The following EMILIN2 variants were observed in gnomAD, a reference collection of about 807,000 sequenced individuals.
EMILIN2 encodes the protein EMILIN-2.
In EMILIN2, 71 loss-of-function variants were observed where a neutral mutation model predicts 87.1. The observed-to-expected ratio is 0.82, with a 90% CI of 0.67 to 0.99. The LOEUF is 0.99. Ranked by LOEUF, EMILIN2 falls within the 50% of genes least tolerant of loss-of-function variation. The pLI, the probability that EMILIN2 is intolerant of heterozygous loss-of-function variation, is 0.00. For synonymous variants in EMILIN2, 581 were observed against 563.4 expected (o/e 1.03, Z -0.44); for missense variants, 1,407 against 1,371.8 (o/e 1.03, Z -0.40).
chr18:2,858,547 A>ATATATATATATATATATATGTGTG (rs2076640535), intron 2 of EMILIN2, among the ~76,000 whole-genome samples: 1 of 48,054 alleles, frequency 2.1e-5, no homozygotes, highest in Non-Finnish European at 3.4e-5. Flanking sequence ...ATATATATAT[A>ATATATATATATATATATATGTGTG]TATATATATA....
rs151223475 is a variant in EMILIN2 at position 2,873,147 on chromosome 18, A to G, written c.258-11817A>G. On this transcript the variant is annotated intron_variant, in intron 2 of 7. Transcript: ENST00000254528. ...AGGCCGGGGCCGGGCATGGTGGCTC[A>G]TGCCTATAATGCTAGCACTTTGGGA... is the stretch of plus-strand genomic sequence containing the variant. Among the ~76,000 whole-genome samples, 16 of 152,220 alleles carry G rather than the reference A, an allele frequency of 1.1e-4. No individual in the cohort carries two copies. The East Asian group carries it at 2.9e-3, about 28-fold the overall frequency.
At chr18:2,887,204 T>TA (rs71159018) in intron 3 of EMILIN2, among the ~76,000 whole-genome samples, 19,520 of 152,176 alleles carry the variant, frequency 0.13, 1,437 homozygotes, top group South Asian at 0.3. Context: ...ATATTGCTGC[T>TA]AAAAAAACAC....
At position 2,890,751 on chromosome 18, in the gene EMILIN2, GAGTGAA is replaced by G. The variant is rs1214782519; in HGVS notation, c.626_631del (p.Ser209_Glu210del). On this transcript the variant is annotated inframe_deletion, in exon 4 of 8. Transcript: ENST00000254528. This position sits in a 1 kb window ranked among gnomAD's most constrained non-coding sequence, Gnocchi z 4.7. ...ACCTCCAGTCTTCCCTTGCTGGAGT[GAGTGAA>G]AATCTCAAACATGCCACTCAGGATG... The G allele has an allele frequency of 6.2e-7, 1 of 1,613,962 alleles. No individual in the cohort carries two copies. Among genetic ancestry groups the G allele is most frequent in the African/African-American group, 1.3e-5 (1 of 75,014 alleles).
chr18:2,891,924 A>C lies in EMILIN2; in HGVS notation c.1797A>C (p.Gln599His). Residue 599 changes from glutamine (Q) to histidine (H), a missense_variant, in exon 4 of 8, where the codon CAA (glutamine) becomes CAC (histidine). Physicochemically the swap from Gln to His is conservative, Grantham distance 24. Transcript: ENST00000254528. The surrounding 1 kb of genome is among the most constrained non-coding windows in gnomAD (Gnocchi z 4.6). ...ACAGGAAGTTTCAAGAAACCGAACA[A>C]ACCATCCAGAAACTTCAACAGGATT... The part of the protein sequence containing the change: ...TMHRKFQETE[Q>H]TIQKLQQDFS... 10 of 1,614,216 alleles carry C rather than the reference A, an allele frequency of 6.2e-6. No individual in the cohort carries two copies. Among genetic ancestry groups the C allele is most frequent in the Non-Finnish European group, 8.5e-6 (10 of 1,180,042 alleles).
Position 2,890,763 on chromosome 18 carries a change from C to A in EMILIN2, c.636C>A (p.Leu212=). ...QSSLAGVSEN[L]KHATQDDASR... is the part of the protein sequence containing the mutation. ...CCCTTGCTGGAGTGAGTGAAAATCT[C>A]AAACATGCCACTCAGGATGATGCCA... The change falls in exon 4 of 8, where the codon CTC becomes CTA. Residue 212 remains leucine (L), a synonymous_variant. Coordinates refer to ENST00000254528, the MANE Select transcript of EMILIN2 (RefSeq NM_032048.3). The surrounding 1 kb of genome is among the most constrained non-coding windows in gnomAD (Gnocchi z 4.7). 6.2e-7 allele frequency: 1 copy of A among 1,613,894 alleles called. No homozygotes were observed. The highest frequency in any genetic ancestry group is 8.5e-7 in the Non-Finnish European group (1 of 1,179,892).
chr18:2,870,968 A>G (rs1168431399), intron 2 of EMILIN2, among the ~76,000 whole-genome samples: 1 of 152,046 alleles, frequency 6.6e-6, no homozygotes, highest in African/African-American at 2.4e-5. Context: ...CTACCTGTTA[A>G]CTAAATTTTC....
chr18:2,881,025 C>A (rs139274315), intron 2 of EMILIN2, among the ~76,000 whole-genome samples: 245 of 152,294 alleles, frequency 1.6e-3, no homozygotes, highest in African/African-American at 5.5e-3. Context: ...CTTTGTTGCT[C>A]CCCATCCTCT....
chr18:2,915,502 G>C lies in EMILIN2; in HGVS notation c.*2098G>C, dbSNP rs1373186596. 1 of 150,860 alleles carries C rather than the reference G, an allele frequency of 6.6e-6. No homozygotes were observed. The highest frequency in any genetic ancestry group is 2.4e-5 in the African/African-American group (1 of 41,048). The allele number at this position is 150,860 out of a possible 1,614,324, so 9.3% of individuals were successfully genotyped here. ...CAGAGGCATACCAAACCCTGAGACA[G>C]AATCAGGCACAAGTTCACAACTTTT... On this transcript the variant is annotated 3_prime_UTR_variant, in exon 8 of 8. Coordinates refer to ENST00000254528, the MANE Select transcript of EMILIN2 (RefSeq NM_032048.3).
At chr18:2,909,036 C>A (rs1324287382) in intron 6 of EMILIN2, 61 bp downstream of exon 6, 1 of 1,583,258 alleles carries the variant, frequency 6.3e-7, no homozygotes, top group African/African-American at 1.3e-5. Flanking sequence ...TCTGCCCCTC[C>A]TCTGCATCTC....
intron 3 of EMILIN2, among the ~76,000 whole-genome samples, chr18:2,887,900 C>G (rs115533563): frequency 0.018 from 2,761 of 152,272 alleles, 105 homozygotes; most frequent in African/African-American, 0.062. Context: ...CTCCTGGACT[C>G]AAGTGATCCT....
chr18:2,846,453 G>A (rs897436885), upstream of EMILIN2, among the ~76,000 whole-genome samples: 149 of 152,282 alleles, frequency 9.8e-4, no homozygotes, highest in African/African-American at 3.2e-3. This position sits in a 1 kb window ranked among gnomAD's most constrained non-coding sequence, Gnocchi z 5.3. Context: ...CTGTCCTGCC[G>A]CCCCCCGCGT....
intron 2 of EMILIN2, among the ~76,000 whole-genome samples, chr18:2,858,133 G>A (rs1038103839): frequency 6.6e-6 from 1 of 152,038 alleles, no homozygotes; most frequent in African/African-American, 2.4e-5. Context: ...TCCCAATTAG[G>A]AAGCACTTTT....
At chr18:2,869,786 T>TTTGTGTG (rs1555666537) in intron 2 of EMILIN2, among the ~76,000 whole-genome samples, 228 of 59,152 alleles carry the variant, frequency 3.9e-3, no homozygotes, top group South Asian at 9.7e-3. Flanking sequence ...GTGTGTGTGT[T>TTTGTGTG]TGTGTGTGTG....
intron 2 of EMILIN2, among the ~76,000 whole-genome samples, chr18:2,876,430 A>C (rs2076748080): frequency 1.3e-5 from 2 of 152,126 alleles, no homozygotes; most frequent in African/African-American, 4.8e-5. Flanking sequence ...GAATATTTTC[A>C]TTTTGAACAC....
chr18:2,858,371 C>A (rs970132133), intron 2 of EMILIN2, among the ~76,000 whole-genome samples: 1 of 150,700 alleles, frequency 6.6e-6, no homozygotes, highest in Non-Finnish European at 1.5e-5. Flanking sequence ...GCCTTTGCAT[C>A]CTCATAGTTT....
chr18:2,903,976 A>C lies in EMILIN2; in HGVS notation c.2360-2807A>C, dbSNP rs115859442. 7.5e-3 allele frequency among the ~76,000 whole-genome samples: 1,135 copies of C among 152,296 alleles called. 15 individuals carry two copies. The highest frequency in any genetic ancestry group is 0.021 in the African/African-American group (884 of 41,540). Reference sequence around the variant, plus strand: ...GTTTACTCCCTTGTTTCAGTAGTGCACATTTCCCAATACCTTTTTAAGAAA... The same window carrying C: ...GTTTACTCCCTTGTTTCAGTAGTGCCCATTTCCCAATACCTTTTTAAGAAA... On this transcript the variant is annotated intron_variant, in intron 4 of 7. Coordinates refer to ENST00000254528, the MANE Select transcript of EMILIN2 (RefSeq NM_032048.3).
At chr18:2,908,879 G>A (rs1241710018) in intron 5 of EMILIN2, 64 bp from the exon 6 acceptor site, 2 of 1,594,582 alleles carry the variant, frequency 1.3e-6, no homozygotes, top group African/African-American at 2.7e-5. Context: ...GAAAAAGGGG[G>A]CTCAGAACAA....
At position 2,861,048 on chromosome 18, in the gene EMILIN2, T is replaced by C. The variant is rs1228611405; in HGVS notation, c.257+13117T>C. On this transcript the variant is annotated intron_variant, in intron 2 of 7. Coordinates refer to ENST00000254528, the MANE Select transcript of EMILIN2 (RefSeq NM_032048.3). ...CATAAATGTCTTCTTTTGAGAAGGG[T>C]CTGTTCATATCCTTTGCCACTTTTT... 2.0e-5 allele frequency among the ~76,000 whole-genome samples: 3 copies of C among 152,322 alleles called. No homozygotes were observed. The East Asian group carries it at 5.8e-4, about 29-fold the overall frequency.
At chr18:2,896,716 G>A (rs377393068) in intron 4 of EMILIN2, among the ~76,000 whole-genome samples, 1 of 151,986 alleles carries the variant, frequency 6.6e-6, no homozygotes, top group Admixed American at 6.6e-5. Context: ...CAAACTCTTG[G>A]ACTCCAGTGA....
Sources: allele counts gnomAD v4.1 joint callset (sites outside exome capture counted in the v4.1 genomes callset), GRCh38; gene constraint gnomAD v4.1.1; non-coding constraint Gnocchi (gnomAD v3.1); transcripts MANE v1.5; gene names NCBI Gene and HGNC (gene_info 2026-07-23, HGNC 2026-07-21).